Variants in LY6G6F observed in about 807,000 individuals in gnomAD.
LY6G6F encodes lymphocyte antigen 6 family member G6F.
Under a neutral mutation model 33.0 loss-of-function variants are expected in LY6G6F, and 26 were observed. The observed-to-expected ratio is 0.79, with a 90% CI of 0.58 to 1.09. The LOEUF is 1.09. Ranked by LOEUF, LY6G6F falls within the 50% of genes least tolerant of loss-of-function variation. The pLI, the probability that LY6G6F is intolerant of heterozygous loss-of-function variation, is 0.00. For synonymous variants in LY6G6F, 132 were observed against 148.1 expected (o/e 0.89, Z 0.79); for missense variants, 317 against 372.0 (o/e 0.85, Z 1.22).
In LY6G6F at chr6:31,707,174, T is replaced by G. The variant is rs1200325693; in HGVS notation, c.52+216T>G. Among the ~76,000 whole-genome samples the G allele has an allele frequency of 2.0e-5, 3 of 152,202 alleles. No individual in the cohort carries two copies. Among genetic ancestry groups the G allele is most frequent in the Admixed American group, 2.0e-4 (3 of 15,286 alleles). On this transcript the variant is annotated intron_variant, in intron 1 of 5. Coordinates refer to ENST00000375832, the MANE Select transcript of LY6G6F (RefSeq NM_001003693.3). This position sits in a 1 kb window ranked among gnomAD's most constrained non-coding sequence, Gnocchi z 4.1. ...TAAAATAAGAAGAATGAGTAAATGC[T>G]TCCAGAAAAGTAGAAATGAGTAGAA...
chr6:31,709,777 C>T (rs1805886309), intron 3 of LY6G6F, among the ~76,000 whole-genome samples: 2 of 152,200 alleles, frequency 1.3e-5, no homozygotes, highest in African/African-American at 4.8e-5. Context: ...GTGGTCTGCT[C>T]GCCTTGGCCT....
rs1805755810 is a variant in LY6G6F at position 31,708,114 on chromosome 6, G to A, written c.626G>A (p.Gly209Glu). 1.3e-6 allele frequency: 2 copies of A among 1,571,640 alleles called. No individual in the cohort carries two copies. The highest frequency in any genetic ancestry group is 1.7e-6 in the Non-Finnish European group (2 of 1,158,684). The change falls in exon 3 of 6, where the codon GGG becomes GAG. Residue 209 changes from glycine to glutamate, a missense_variant. Transcript: ENST00000375832. ...CGCTGCCTCATGACTCACAACAAAG[G>A]GGTCAGCTTTAGCCTGGCAGGTAAA... ...IIRCLMTHNK[G>E]VSFSLAASID...
Position 31,710,225 on chromosome 6 carries a change from G to A in LY6G6F, c.802+44G>A, listed in dbSNP as rs1432008262. The A allele has an allele frequency of 1.2e-6, 2 of 1,607,550 alleles. No homozygotes were observed. The highest frequency in any genetic ancestry group is 1.7e-6 in the Non-Finnish European group (2 of 1,176,104). On this transcript the variant is annotated intron_variant, in intron 4 of 5. Coordinates refer to ENST00000375832, the MANE Select transcript of LY6G6F (RefSeq NM_001003693.3). The surrounding 1 kb of genome is among the most constrained non-coding windows in gnomAD (Gnocchi z 4.7). ...GGGGAAAGAAGAGGGCACATGGGTG[G>A]GAGGCAAAGGGCTAGGCTCACACCC...
intron 3 of LY6G6F, among the ~76,000 whole-genome samples, chr6:31,709,799 G>A (rs1320039912): frequency 2.0e-5 from 3 of 152,198 alleles, no homozygotes; most frequent in Non-Finnish European, 2.9e-5. Flanking sequence ...CTAATGTGCT[G>A]GAATTACAGG....
rs1805691195 is a variant in LY6G6F at position 31,707,443 on chromosome 6, A to G, written c.53-15A>G. On this transcript the variant is annotated splice_polypyrimidine_tract_variant and intron_variant, in intron 1 of 5. Coordinates refer to ENST00000375832, the MANE Select transcript of LY6G6F (RefSeq NM_001003693.3). This position sits in a 1 kb window ranked among gnomAD's most constrained non-coding sequence, Gnocchi z 4.1. ...TGATGGAGGTCTCTGGCCTCATACAACCCTCTTCCCACAGACAACATGCAG... is the reference window on the plus strand; with the variant it reads ...TGATGGAGGTCTCTGGCCTCATACAGCCCTCTTCCCACAGACAACATGCAG... The G allele has an allele frequency of 6.8e-6, 11 of 1,610,632 alleles. No homozygotes were observed. The highest frequency in any genetic ancestry group is 6.8e-6 in the Non-Finnish European group (8 of 1,177,480).
chr6:31,708,200 CA>C, intron 3 of LY6G6F, 66 bp downstream of exon 3: 4 of 1,494,474 alleles, frequency 2.7e-6, no homozygotes, highest in East Asian at 2.3e-5. Flanking sequence ...GCTGGAATTA[CA>C]GGCGCCCGCC....
intron 3 of LY6G6F, among the ~76,000 whole-genome samples, chr6:31,708,361 A>G (rs1004564869): frequency 6.6e-6 from 1 of 152,012 alleles, no homozygotes; most frequent in African/African-American, 2.4e-5. Flanking sequence ...GCACCTTTAA[A>G]TTTTTTGTAG....
chr6:31,707,809 A>G lies in LY6G6F; in HGVS notation c.382+22A>G, dbSNP rs1805724537. ...AAAGGTGAGTGGGGGCATGCAGACC[A>G]GGGGCTACTGTGGCCCAGGAAGTCC... is the stretch of plus-strand genomic sequence containing the variant. On this transcript the variant is annotated intron_variant, in intron 2 of 5. Transcript: ENST00000375832. The surrounding 1 kb of genome is among the most constrained non-coding windows in gnomAD (Gnocchi z 4.1). 1 of 1,609,418 alleles carries G rather than the reference A, an allele frequency of 6.2e-7. No individual in the cohort carries two copies. The highest frequency in any genetic ancestry group is 8.5e-7 in the Non-Finnish European group (1 of 1,176,450).
intron 3 of LY6G6F, among the ~76,000 whole-genome samples, chr6:31,709,214 G>A (rs1212939163): frequency 6.7e-6 from 1 of 150,284 alleles, no homozygotes; most frequent in Non-Finnish European, 1.5e-5. Flanking sequence ...CTGGACTACA[G>A]GTGCCTGCCA....
Position 31,707,774 on chromosome 6 carries a change from C to A in LY6G6F, c.369C>A (p.Val123=), listed in dbSNP as rs1805721417. 1 of 1,612,728 alleles carries A rather than the reference C, an allele frequency of 6.2e-7. No homozygotes were observed. Among genetic ancestry groups the A allele is most frequent in the Non-Finnish European group, 8.5e-7 (1 of 1,178,878 alleles). The part of the protein sequence containing the change: ...HNYQNWRVYD[V]LVLKGSQLSA... Reference sequence around the variant, plus strand: ...ACCAGAACTGGAGGGTGTACGACGTCTTGGTGCTCAAAGGTGAGTGGGGGC... The same window carrying A: ...ACCAGAACTGGAGGGTGTACGACGTATTGGTGCTCAAAGGTGAGTGGGGGC... The change falls in exon 2 of 6, where the codon GTC becomes GTA. Residue 123 remains valine, a synonymous_variant. Coordinates refer to ENST00000375832, the MANE Select transcript of LY6G6F (RefSeq NM_001003693.3). This position sits in a 1 kb window ranked among gnomAD's most constrained non-coding sequence, Gnocchi z 4.1.
At chr6:31,708,784 G>A (rs1805804581) in intron 3 of LY6G6F, among the ~76,000 whole-genome samples, 1 of 152,046 alleles carries the variant, frequency 6.6e-6, no homozygotes, top group Admixed American at 6.6e-5. Context: ...AAATTAGCCG[G>A]GTATGGTGGC....
chr6:31,707,109 C>A lies in LY6G6F; in HGVS notation c.52+151C>A. The A allele has an allele frequency of 2.5e-6, 2 of 800,018 alleles. No individual in the cohort carries two copies. Among genetic ancestry groups the A allele is most frequent in the East Asian group, 2.5e-5 (1 of 39,662 alleles). 49.6% of individuals were successfully genotyped at this position (800,018 alleles called of 1,614,324 possible). A position where few individuals can be genotyped will look rare whatever the true frequency, so the allele number is the denominator to read the frequency against. On this transcript the variant is annotated intron_variant, in intron 1 of 5. Transcript: ENST00000375832. This position sits in a 1 kb window ranked among gnomAD's most constrained non-coding sequence, Gnocchi z 4.1. ...CTCCTGCCTCTGACACTAGGGAAGA[C>A]CCAGAGGCAACGAGGGTCCAGGTTA... is the stretch of plus-strand genomic sequence containing the variant.
At position 31,708,075 on chromosome 6, in the gene LY6G6F, G is replaced by C; in HGVS notation, c.587G>C (p.Arg196Thr). 6.2e-7 allele frequency: 1 copy of C among 1,607,410 alleles called. No individual in the cohort carries two copies. Residue 196 changes from arginine (R) to threonine (T), a missense_variant, in exon 3 of 6, where the codon AGA becomes ACA. Transcript: ENST00000375832. ...GGGCTTTCTGAGCCCAGGAGCCGAA[G>C]ACCAAGAATCATCCGCTGCCTCATG... ...GEGLSEPRSR[R>T]PRIIRCLMTH...
Position 31,710,371 on chromosome 6 carries a change from CA to C in LY6G6F, c.825del (p.Lys275AsnfsTer33). Reference protein sequence around the residue: ...PGRDASIPQFKPEIQVYENIH... With the variant: ...PGRDASIPQFXPEIQVYENIH... ...CCCCAGATGCCTCGATTCCTCAGTT[CA>C]AACCCGAAATCCAGGTCTATGAGAA... is the stretch of plus-strand genomic sequence containing the variant. On this transcript the variant is annotated frameshift_variant, in exon 5 of 6. Transcript: ENST00000375832. LOFTEE classifies it high-confidence loss of function. The surrounding 1 kb of genome is among the most constrained non-coding windows in gnomAD (Gnocchi z 4.7). 6.2e-7 allele frequency: 1 copy of C among 1,614,172 alleles called. No individual in the cohort carries two copies.
At chr6:31,709,328 C>T (rs190856073) in intron 3 of LY6G6F, among the ~76,000 whole-genome samples, 22 of 150,946 alleles carry the variant, frequency 1.5e-4, no homozygotes, top group Admixed American at 4.0e-4. Flanking sequence ...GGCGCAATCC[C>T]GGCTCACTGC....
In LY6G6F at chr6:31,710,604, C is replaced by A. The variant is rs1320484938; in HGVS notation, c.*13C>A. Reference sequence around the variant, plus strand: ...CAAGCCCAGGTGATTTTGGTGACATCTGCTGGGAAGTGTGACCTGCTGTCT... The same window carrying A: ...CAAGCCCAGGTGATTTTGGTGACATATGCTGGGAAGTGTGACCTGCTGTCT... On this transcript the variant is annotated 3_prime_UTR_variant, in exon 6 of 6. Transcript: ENST00000375832. The surrounding 1 kb of genome is among the most constrained non-coding windows in gnomAD (Gnocchi z 4.7). 6.2e-7 allele frequency: 1 copy of A among 1,614,094 alleles called. No homozygotes were observed. The highest frequency in any genetic ancestry group is 8.5e-7 in the Non-Finnish European group (1 of 1,180,006).
In LY6G6F at chr6:31,706,972, G is replaced by C. The variant is rs116974209; in HGVS notation, c.52+14G>C. The stretch of plus-strand genomic sequence containing the variant: ...CCCAGGCTGCAGGTAAGGGGCAAGA[G>C]GTACGGGATTCCTTAGCTATTTGCA... On this transcript the variant is annotated intron_variant, in intron 1 of 5. Transcript: ENST00000375832. 11,042 of 1,613,600 alleles carry C rather than the reference G, an allele frequency of 6.8e-3. 610 individuals carry two copies. In the South Asian group the frequency reaches 0.09, roughly 13 times the overall value.
Position 31,707,361 on chromosome 6 carries a change from G to C in LY6G6F, c.53-97G>C. 1 of 1,116,842 alleles carries C rather than the reference G, an allele frequency of 9.0e-7. No homozygotes were observed. Among genetic ancestry groups the C allele is most frequent in the Non-Finnish European group, 1.3e-6 (1 of 768,524 alleles). 69.2% of individuals were successfully genotyped at this position (1,116,842 alleles called of 1,614,324 possible). ...GTGGTCACCAGCCAGGCCTGTGCTGGGGGACCCCAGAAGGGAAGGAAGCCA... is the reference window on the plus strand; with the variant it reads ...GTGGTCACCAGCCAGGCCTGTGCTGCGGGACCCCAGAAGGGAAGGAAGCCA... On this transcript the variant is annotated intron_variant, in intron 1 of 5. Coordinates refer to ENST00000375832, the MANE Select transcript of LY6G6F (RefSeq NM_001003693.3). This position sits in a 1 kb window ranked among gnomAD's most constrained non-coding sequence, Gnocchi z 4.1.
At position 31,710,638 on chromosome 6, in the gene LY6G6F, A is replaced by G; in HGVS notation, c.*47A>G. ...AGTGTGACCTGCTGTCTCGCTGGCC[A>G]TCTGGCACCTGGAAGATTCCTCGAC... is the stretch of plus-strand genomic sequence containing the variant. On this transcript the variant is annotated 3_prime_UTR_variant, in exon 6 of 6. Coordinates refer to ENST00000375832, the MANE Select transcript of LY6G6F (RefSeq NM_001003693.3). This position sits in a 1 kb window ranked among gnomAD's most constrained non-coding sequence, Gnocchi z 4.7. 2 of 1,612,960 alleles carry G rather than the reference A, an allele frequency of 1.2e-6. No homozygotes were observed. Among genetic ancestry groups the G allele is most frequent in the Non-Finnish European group, 1.7e-6 (2 of 1,179,202 alleles).
Sources: allele counts gnomAD v4.1 joint callset (sites outside exome capture counted in the v4.1 genomes callset), GRCh38; gene constraint gnomAD v4.1.1; non-coding constraint Gnocchi (gnomAD v3.1); transcripts MANE v1.5; gene names NCBI Gene and HGNC (gene_info 2026-07-23, HGNC 2026-07-21).